The following TMEM276 variants were observed in gnomAD, a reference collection of about 807,000 sequenced individuals.
TMEM276 encodes the protein transmembrane protein 276.
At chr8:144,464,018 C>T in the TMEM276 span, 1 of 1,524,006 alleles carries the variant, frequency 6.6e-7, no homozygotes, top group Non-Finnish European at 8.8e-7. Context: ...GCAGCAAACC[C>T]ACTTCAGTAG....
At chr8:144,466,893 G>A in the TMEM276 span, 1 of 1,546,328 alleles carries the variant, frequency 6.5e-7, no homozygotes, top group Non-Finnish European at 8.7e-7. Context: ...ACCTCCCAGG[G>A]AGGGGCGGAG....
chr8:144,466,679 T>C, the TMEM276 span: 4 of 1,226,032 alleles, frequency 3.3e-6, no homozygotes, highest in African/African-American at 1.6e-5. Flanking sequence ...TCGGCCCCAA[T>C]CCTCCGGCCC....
At chr8:144,465,180 G>A in the TMEM276 span, 3 of 1,342,900 alleles carry the variant, frequency 2.2e-6, no homozygotes, top group Non-Finnish European at 1.9e-6. Context: ...CAGCCCTGGG[G>A]CCCTGGAGCC....
chr8:144,465,442 G>T, the TMEM276 span: 1 of 1,004,532 alleles, frequency 1.0e-6, no homozygotes. Flanking sequence ...CTCCTCTGCC[G>T]TGCCCCCAGT....
At chr8:144,464,419 C>A in the TMEM276 span, 1 of 1,612,282 alleles carries the variant, frequency 6.2e-7, no homozygotes, top group Non-Finnish European at 8.5e-7. Flanking sequence ...CACCATGCCT[C>A]CTCCCAGGAG....
the TMEM276 span, chr8:144,464,540 TCAG>T: frequency 2.5e-6 from 4 of 1,612,120 alleles, no homozygotes; most frequent in Non-Finnish European, 3.4e-6. Context: ...TCGTGTGTGC[TCAG>T]CCCTGGGGCC....
At chr8:144,466,734 C>T in the TMEM276 span, 1 of 1,504,592 alleles carries the variant, frequency 6.6e-7, no homozygotes, top group Non-Finnish European at 8.8e-7. Flanking sequence ...CCCCCCTCCT[C>T]AGGGGCGCCC....
the TMEM276 span, chr8:144,464,597 CAG>C: frequency 6.2e-7 from 1 of 1,608,298 alleles, no homozygotes. Flanking sequence ...AAGCCAGCAG[CAG>C]CCCCTCGACT....
the TMEM276 span, chr8:144,465,054 T>A: frequency 2.1e-4 from 325 of 1,533,900 alleles, no homozygotes; most frequent in Non-Finnish European, 2.7e-4. Flanking sequence ...TTAGGAGAAG[T>A]TCAGTCCTAG....
At chr8:144,466,443 C>G in the TMEM276 span, 6 of 1,363,410 alleles carry the variant, frequency 4.4e-6, no homozygotes, top group Admixed American at 7.8e-5. Context: ...ACTCGTTGCT[C>G]ATCTACATCT....
the TMEM276 span, chr8:144,464,980 G>C: frequency 6.4e-7 from 1 of 1,563,398 alleles, no homozygotes; most frequent in Admixed American, 1.9e-5. Flanking sequence ...GCAGAAGCCA[G>C]CGACCTGGAG....
chr8:144,466,632 G>C, the TMEM276 span: 4 of 916,558 alleles, frequency 4.4e-6, no homozygotes, highest in Non-Finnish European at 5.9e-6. Flanking sequence ...CCGTGCCGAG[G>C]ACCCTCGGCT....
the TMEM276 span, chr8:144,465,005 C>T: frequency 6.4e-5 from 98 of 1,542,098 alleles, 1 homozygote; most frequent in South Asian, 8.3e-5. Flanking sequence ...ACGCGCGGCA[C>T]TCTAGTAAGC....
chr8:144,465,423 C>T, the TMEM276 span: 1 of 1,012,184 alleles, frequency 9.9e-7, no homozygotes, highest in Non-Finnish European at 1.2e-6. Flanking sequence ...CCACCGCCGT[C>T]GGCCCTGCCT....
At chr8:144,465,136 G>T in the TMEM276 span, 13 of 1,411,534 alleles carry the variant, frequency 9.2e-6, no homozygotes, top group East Asian at 2.8e-5. Context: ...GGAAACGGGG[G>T]AAAACGACTC....
At chr8:144,466,390 A>G in the TMEM276 span, 19 of 988,648 alleles carry the variant, frequency 1.9e-5, no homozygotes, top group Non-Finnish European at 2.5e-5. Context: ...GGGCGGCGCG[A>G]AGCGGGGCCC....
the TMEM276 span, chr8:144,466,713 C>T: frequency 1.4e-6 from 2 of 1,428,070 alleles, no homozygotes; most frequent in Non-Finnish European, 1.9e-6. Flanking sequence ...AAGGGGCCAG[C>T]AGGCTGCCTG....
At chr8:144,466,407 G>A in the TMEM276 span, 5 of 1,237,190 alleles carry the variant, frequency 4.0e-6, no homozygotes, top group East Asian at 3.9e-5. Flanking sequence ...GCCCTCTGCC[G>A]CCCCGCGCTC....
the TMEM276 span, chr8:144,464,434 T>G: frequency 6.2e-7 from 1 of 1,612,202 alleles, no homozygotes; most frequent in South Asian, 1.1e-5. Context: ...CAGGAGCAGG[T>G]TGGCAGAGGA....
Sources: allele counts gnomAD v4.1 joint callset, GRCh38; gene constraint gnomAD v4.1.1; transcripts MANE v1.5; gene names NCBI Gene and HGNC (gene_info 2026-07-23, HGNC 2026-07-21).